Variants in MIPOL1 observed in about 807,000 individuals in gnomAD.
The protein encoded by MIPOL1 is mirror-image polydactyly 1.
Under a neutral mutation model 60.9 loss-of-function variants are expected in MIPOL1, and 57 were observed. The observed-to-expected ratio is 0.94, with a 90% confidence interval of 0.76 to 1.17. MIPOL1 has a LOEUF of 1.17. MIPOL1 is among the 50% of genes most tolerant of loss of function. The pLI is 0.00. For synonymous variants in MIPOL1, 179 were observed against 168.8 expected (o/e 1.06, Z -0.47); for missense variants, 551 against 511.6 (o/e 1.08, Z -0.74).
rs534424270 is a variant in MIPOL1 at position 37,523,784 on chromosome 14, G to C, written c.1263-23121G>C. On this transcript the variant is annotated intron_variant, in intron 12 of 12. Transcript: ENST00000684589. Reference sequence around the variant, plus strand: ...AGACATATTAAAATATTCATACACAGAAGTGTGTAATTATAACTTAGTTTA... The same window carrying C: ...AGACATATTAAAATATTCATACACACAAGTGTGTAATTATAACTTAGTTTA... 7.9e-5 allele frequency among the ~76,000 whole-genome samples: 12 copies of C among 152,254 alleles called. No homozygotes were observed. In the East Asian group the frequency reaches 2.3e-3, roughly 29 times the overall value.
At chr14:37,347,502 A>G (rs545181450) in intron 9 of MIPOL1, among the ~76,000 whole-genome samples, 1 of 152,132 alleles carries the variant, frequency 6.6e-6, no homozygotes, top group African/African-American at 2.4e-5. Flanking sequence ...TTGTAGATCT[A>G]ATATGGCCAA....
chr14:37,539,670 T>C (rs941429513), intron 12 of MIPOL1, among the ~76,000 whole-genome samples: 3 of 152,212 alleles, frequency 2.0e-5, no homozygotes, highest in Non-Finnish European at 4.4e-5. Flanking sequence ...ACAACAATTT[T>C]CTTAACATTT....
intron 9 of MIPOL1, among the ~76,000 whole-genome samples, chr14:37,337,584 G>A (rs1412124716): frequency 6.6e-6 from 1 of 151,052 alleles, no homozygotes; most frequent in African/African-American, 2.4e-5. Flanking sequence ...TGACCAGGCT[G>A]GTCTCGAATT....
chr14:37,296,102 A>C (rs1020551160), intron 7 of MIPOL1, among the ~76,000 whole-genome samples: 1 of 152,126 alleles, frequency 6.6e-6, no homozygotes, highest in Non-Finnish European at 1.5e-5. Context: ...ATAACAAACT[A>C]TCTCTCAGAC....
At chr14:37,366,311 G>GT (rs1310332724) in intron 9 of MIPOL1, among the ~76,000 whole-genome samples, 1 of 151,550 alleles carries the variant, frequency 6.6e-6, no homozygotes, top group Non-Finnish European at 1.5e-5. Flanking sequence ...TTCCCTCTTA[G>GT]TACTACTTTT....
chr14:37,299,706 A>G (rs888913186), intron 7 of MIPOL1, among the ~76,000 whole-genome samples: 2 of 152,130 alleles, frequency 1.3e-5, no homozygotes, highest in Non-Finnish European at 2.9e-5. Context: ...TATTGTTAAC[A>G]TCTTAAATTA....
At chr14:37,276,276 A>T (rs1222123393) in intron 6 of MIPOL1, 1 of 151,000 alleles carries the variant, frequency 6.6e-6, no homozygotes, top group Non-Finnish European at 1.5e-5. Flanking sequence ...AAATTAAAAA[A>T]ATATGTTGTC....
chr14:37,491,568 C>A (rs1255975334), intron 11 of MIPOL1, among the ~76,000 whole-genome samples: 1 of 152,080 alleles, frequency 6.6e-6, no homozygotes, highest in Non-Finnish European at 1.5e-5. Flanking sequence ...TTAATGCTTC[C>A]TTAGAATTAT....
At chr14:37,365,639 A>G (rs2092446611) in intron 9 of MIPOL1, among the ~76,000 whole-genome samples, 1 of 152,104 alleles carries the variant, frequency 6.6e-6, no homozygotes, top group Non-Finnish European at 1.5e-5. Context: ...TTGCATCAAT[A>G]TGCATCAGAG....
At chr14:37,212,709 G>A (rs569068352) in intron 1 of MIPOL1, among the ~76,000 whole-genome samples, 227 of 152,274 alleles carry the variant, frequency 1.5e-3, no homozygotes, top group Admixed American at 3.7e-3. Flanking sequence ...GAGTTCAAGG[G>A]TCTTGAGCGA....
At chr14:37,252,689 A>G (rs983329296) in intron 3 of MIPOL1, among the ~76,000 whole-genome samples, 3 of 151,900 alleles carry the variant, frequency 2.0e-5, no homozygotes, top group African/African-American at 7.2e-5. Context: ...CACAAAGTAC[A>G]TATTCTGTTT....
intron 12 of MIPOL1, chr14:37,503,825 A>G (rs1369955710): frequency 6.6e-6 from 1 of 152,222 alleles, no homozygotes; most frequent in Admixed American, 6.5e-5. Context: ...TTGGATAAAG[A>G]GTCAAGACCC....
chr14:37,461,399 G>C (rs1008614072), intron 11 of MIPOL1, among the ~76,000 whole-genome samples: 1 of 152,076 alleles, frequency 6.6e-6, no homozygotes, highest in Non-Finnish European at 1.5e-5. Context: ...GCACAGGAAA[G>C]ACCCTCCCCT....
intron 9 of MIPOL1, among the ~76,000 whole-genome samples, chr14:37,315,408 G>C (rs1047218261): frequency 2.6e-5 from 4 of 152,198 alleles, no homozygotes; most frequent in African/African-American, 9.7e-5. Context: ...ATGGTCAGGA[G>C]CAGATATTGC....
intron 1 of MIPOL1, among the ~76,000 whole-genome samples, chr14:37,238,786 C>CCAAA (rs1454814312): frequency 1.2e-5 from 1 of 86,884 alleles, no homozygotes; most frequent in African/African-American, 3.8e-5. Context: ...CCCACTTCTA[C>CCAAA]AAAAAAAAAA....
intron 1 of MIPOL1, among the ~76,000 whole-genome samples, chr14:37,242,912 C>T (rs750888899): frequency 7.2e-5 from 11 of 152,086 alleles, no homozygotes; most frequent in South Asian, 2.1e-4. Context: ...TTGAGCAAGG[C>T]GTGCATAATG....
At chr14:37,496,099 G>T (rs2095123992) in intron 11 of MIPOL1, among the ~76,000 whole-genome samples, 1 of 152,016 alleles carries the variant, frequency 6.6e-6, no homozygotes, top group Non-Finnish European at 1.5e-5. Context: ...TCTGATGGTA[G>T]TTTCTTTTGC....
At chr14:37,299,864 C>G (rs1439237488) in intron 7 of MIPOL1, among the ~76,000 whole-genome samples, 2 of 152,000 alleles carry the variant, frequency 1.3e-5, no homozygotes, top group Non-Finnish European at 2.9e-5. Flanking sequence ...TTGTATGTCT[C>G]CCTAGCCTGT....
intron 10 of MIPOL1, among the ~76,000 whole-genome samples, chr14:37,418,201 C>T (rs907117928): frequency 6.6e-6 from 1 of 152,112 alleles, no homozygotes; most frequent in African/African-American, 2.4e-5. Flanking sequence ...TTAAACCAAA[C>T]ATAACAAGAT....
Sources: allele counts gnomAD v4.1 joint callset (sites outside exome capture counted in the v4.1 genomes callset), GRCh38; gene constraint gnomAD v4.1.1; transcripts MANE v1.5; gene names NCBI Gene and HGNC (gene_info 2026-07-23, HGNC 2026-07-21).